The following AUH variants were observed in gnomAD, a reference collection of about 807,000 sequenced individuals.
The protein encoded by AUH is AU RNA binding methylglutaconyl-CoA hydratase.
AUH carries 29 observed loss-of-function variants against 42.3 expected under a neutral mutation model. The observed-to-expected ratio is 0.69, with a 90% CI of 0.51 to 0.93. AUH has a LOEUF of 0.93. Ranked by LOEUF, AUH falls within the 40% of genes least tolerant of loss-of-function variation. The probability of loss-of-function intolerance (pLI) is 0.00; values close to 1 mark genes in which losing one functional copy is unlikely to be tolerated. For synonymous variants in AUH, 174 were observed against 166.4 expected (o/e 1.05, Z -0.35); for missense variants, 452 against 438.1 (o/e 1.03, Z -0.28).
chr9:91,306,111 CTTGAG>C (rs987132902), intron 4 of AUH, among the ~76,000 whole-genome samples: 17 of 151,960 alleles, frequency 1.1e-4, no homozygotes, highest in African/African-American at 3.6e-4. Context: ...CGAGTTCTGA[CTTGAG>C]TTTTCTCTGG....
At chr9:91,271,702 A>G (rs1416494522) in intron 6 of AUH, among the ~76,000 whole-genome samples, 1 of 152,160 alleles carries the variant, frequency 6.6e-6, no homozygotes, top group African/African-American at 2.4e-5. Context: ...GTTGTTTTTG[A>G]GAAGTTTCGC....
At chr9:91,240,765 G>A (rs1828467578) in intron 6 of AUH, among the ~76,000 whole-genome samples, 1 of 151,090 alleles carries the variant, frequency 6.6e-6, no homozygotes, top group African/African-American at 2.4e-5. Flanking sequence ...GAGAGTCTCT[G>A]GGGGCCCTTT....
At chr9:91,333,667 A>T (rs548961515) in intron 3 of AUH, among the ~76,000 whole-genome samples, 1 of 152,328 alleles carries the variant, frequency 6.6e-6, no homozygotes, top group East Asian at 1.9e-4. Context: ...AAACCTTTTC[A>T]CATAAACAAG....
chr9:91,282,056 T>G (rs79757754), intron 6 of AUH, among the ~76,000 whole-genome samples: 1,569 of 152,240 alleles, frequency 0.01, 18 homozygotes, highest in Middle Eastern at 0.031. Flanking sequence ...GACCTCTAGA[T>G]CTGACTCCCC....
At chr9:91,258,207 ATTC>A (rs1387478462) in intron 6 of AUH, among the ~76,000 whole-genome samples, 1 of 152,086 alleles carries the variant, frequency 6.6e-6, no homozygotes, top group Non-Finnish European at 1.5e-5. Context: ...CAGTGTTTAA[ATTC>A]TTCTTTCCAT....
chr9:91,277,034 TA>T (rs948312423), intron 6 of AUH, among the ~76,000 whole-genome samples: 2 of 151,952 alleles, frequency 1.3e-5, no homozygotes, highest in African/African-American at 4.8e-5. Context: ...AAAATTTTTT[TA>T]AAAAACCAGC....
intron 3 of AUH, among the ~76,000 whole-genome samples, chr9:91,331,469 T>C (rs1435379180): frequency 3.3e-5 from 5 of 152,232 alleles, no homozygotes; most frequent in Non-Finnish European, 7.3e-5. Context: ...TTCTCAGACA[T>C]TTTAAATGAA....
chr9:91,292,094 T>C (rs927843171), intron 6 of AUH, among the ~76,000 whole-genome samples: 2 of 152,150 alleles, frequency 1.3e-5, no homozygotes, highest in African/African-American at 4.8e-5. Context: ...GATTTCATTA[T>C]CAATTTTGGA....
chr9:91,216,129 T>G, intron 8 of AUH, 23 bp from the exon 9 acceptor site: 2 of 1,608,448 alleles, frequency 1.2e-6, no homozygotes, highest in Non-Finnish European at 1.7e-6. Flanking sequence ...ACATAATCCA[T>G]TTCAGCAGAA....
intron 6 of AUH, among the ~76,000 whole-genome samples, chr9:91,263,154 A>G (rs1457310676): frequency 2.0e-5 from 3 of 152,322 alleles, no homozygotes; most frequent in Non-Finnish European, 2.9e-5. Context: ...CCAAATGTCT[A>G]TTTGATGCTT....
chr9:91,357,989 A>T (rs1214130925), intron 1 of AUH, among the ~76,000 whole-genome samples: 1 of 152,230 alleles, frequency 6.6e-6, no homozygotes, highest in African/African-American at 2.4e-5. Context: ...ATACTTGGAG[A>T]TCATACCAGA....
chr9:91,264,451 T>G (rs1329763214), intron 6 of AUH, among the ~76,000 whole-genome samples: 2 of 152,218 alleles, frequency 1.3e-5, no homozygotes, highest in African/African-American at 4.8e-5. Flanking sequence ...TTTGTACTCC[T>G]GTTCCAATTT....
chr9:91,339,125 T>C (rs2131963358), intron 3 of AUH, among the ~76,000 whole-genome samples: 1 of 152,290 alleles, frequency 6.6e-6, no homozygotes, highest in South Asian at 2.1e-4. Context: ...TCCAAAGATA[T>C]AAAGTACAGC....
At chr9:91,333,828 A>G (rs1830504441) in intron 3 of AUH, among the ~76,000 whole-genome samples, 2 of 152,226 alleles carry the variant, frequency 1.3e-5, no homozygotes, top group African/African-American at 4.8e-5. Flanking sequence ...CCAGAATAAG[A>G]ATCTCAGCTG....
At chr9:91,221,830 G>A (rs1827153265) in intron 6 of AUH, among the ~76,000 whole-genome samples, 1 of 152,212 alleles carries the variant, frequency 6.6e-6, no homozygotes, top group Non-Finnish European at 1.5e-5. Flanking sequence ...ATCCATCTAT[G>A]TATTCACTTC....
At chr9:91,276,090 C>G (rs1400715397) in intron 6 of AUH, among the ~76,000 whole-genome samples, 2 of 151,956 alleles carry the variant, frequency 1.3e-5, no homozygotes, top group Non-Finnish European at 2.9e-5. Flanking sequence ...ACCCCATAAG[C>G]TAATGGGGTA....
Position 91,230,024 on chromosome 9 carries a change from A to C in AUH, c.656-9032T>G, listed in dbSNP as rs1483083118. On this transcript the variant is annotated intron_variant, in intron 6 of 9. Coordinates refer to ENST00000375731, the MANE Select transcript of AUH (RefSeq NM_001698.3). ...TCATTTCAACTTTGGTGAATCTGAC[A>C]ATTATGTGTCTTGGAGTTGCTCTTC... Among the ~76,000 whole-genome samples, 920 of 151,386 alleles carry C rather than the reference A, an allele frequency of 6.1e-3. 25 individuals carry two copies. The highest frequency in any genetic ancestry group is 0.033 in the Admixed American group (495 of 15,208).
intron 9 of AUH, 91 bp from the exon 10 acceptor site, chr9:91,214,516 C>A: frequency 9.1e-7 from 1 of 1,098,082 alleles, no homozygotes; most frequent in Non-Finnish European, 1.3e-6. Flanking sequence ...CTTAGAACCA[C>A]ATTCTAAAAT....
At chr9:91,352,110 T>C (rs1832033070) in intron 3 of AUH, among the ~76,000 whole-genome samples, 1 of 152,058 alleles carries the variant, frequency 6.6e-6, no homozygotes, top group Admixed American at 6.6e-5. Flanking sequence ...ACCCCATCTC[T>C]ACTAAAATTA....
Sources: allele counts gnomAD v4.1 joint callset (sites outside exome capture counted in the v4.1 genomes callset), GRCh38; gene constraint gnomAD v4.1.1; transcripts MANE v1.5; gene names NCBI Gene and HGNC (gene_info 2026-07-23, HGNC 2026-07-21).